The following TMEM272 variants were observed in gnomAD, a reference collection of about 807,000 sequenced individuals.
TMEM272 encodes the protein transmembrane protein 272.
A neutral mutation model predicts 3.7 loss-of-function variants in TMEM272; 8 were observed. The observed-to-expected ratio is 2.17, with a 90% confidence interval of 1.27 to 3.91. The LOEUF is 3.91. Among genes scored for constraint, TMEM272 ranks in the 30% most tolerant of loss-of-function variants. The pLI, the probability that TMEM272 is intolerant of heterozygous loss-of-function variation, is 0.00. For missense variants in TMEM272, 166 were observed against 91.5 expected (o/e 1.81, Z -3.32); for synonymous variants, 63 against 39.8 (o/e 1.58, Z -2.20).
the TMEM272 span, chr13:51,933,123 C>A: frequency 6.6e-6 from 1 of 152,196 alleles, no homozygotes; most frequent in South Asian, 2.1e-4. Flanking sequence ...TGAGTTGAAA[C>A]AATGAATAGA....
At chr13:51,845,607 T>C (rs1348308660), upstream of TMEM272, among the ~76,000 whole-genome samples, 4 of 152,224 alleles carry the variant, frequency 2.6e-5, no homozygotes, top group Admixed American at 6.5e-5. Context: ...AGATCTGAGA[T>C]AGAATGAAGT....
chr13:51,868,819 A>T, the TMEM272 span, among the ~76,000 whole-genome samples: 1 of 152,318 alleles, frequency 6.6e-6, no homozygotes, highest in East Asian at 1.9e-4. Context: ...TTTATTCCAA[A>T]ATCATAATGC....
the TMEM272 span, among the ~76,000 whole-genome samples, chr13:51,928,844 C>T: frequency 6.6e-6 from 1 of 152,100 alleles, no homozygotes; most frequent in East Asian, 1.9e-4. Flanking sequence ...GCTTTGGAGC[C>T]ATCAAAAATA....
the TMEM272 span, among the ~76,000 whole-genome samples, chr13:51,877,628 A>G: frequency 6.6e-6 from 1 of 152,250 alleles, no homozygotes; most frequent in Non-Finnish European, 1.5e-5. Flanking sequence ...TTATTTCCTG[A>G]TGTGTCTAAA....
At chr13:51,915,907 T>G in the TMEM272 span, among the ~76,000 whole-genome samples, 1 of 152,244 alleles carries the variant, frequency 6.6e-6, no homozygotes, top group Admixed American at 6.5e-5. Context: ...ACCCTGTCTC[T>G]ACTAAAAATA....
the TMEM272 span, among the ~76,000 whole-genome samples, chr13:51,911,924 C>T: frequency 7.3e-5 from 11 of 151,432 alleles, no homozygotes; most frequent in Admixed American, 6.6e-5. Flanking sequence ...CTGAACACAA[C>T]AAGCCCACTG....
At chr13:51,877,797 A>C in the TMEM272 span, among the ~76,000 whole-genome samples, 13 of 152,182 alleles carry the variant, frequency 8.5e-5, no homozygotes, top group Non-Finnish European at 1.9e-4. Flanking sequence ...ATTTTATTTC[A>C]GTTATACTGT....
chr13:51,861,708 A>G, the TMEM272 span, among the ~76,000 whole-genome samples: 1 of 152,172 alleles, frequency 6.6e-6, no homozygotes, highest in Non-Finnish European at 1.5e-5. Flanking sequence ...ATGGCCAAAA[A>G]CTTCTGAAAT....
rs1956234962 is a variant in TMEM272, at chr13:51,838,521, C to A, written c.10G>T (p.Gly4Cys). 1.4e-6 allele frequency: 1 copy of A among 702,914 alleles called. No individual in the cohort carries two copies. The highest frequency in any genetic ancestry group is 1.7e-5 in the African/African-American group (1 of 57,264). The allele number at this position is 702,914 out of a possible 1,614,324, so 43.5% of individuals were successfully genotyped here. A position where few individuals can be genotyped will look rare whatever the true frequency, so the allele number is the denominator to read the frequency against. The change falls in exon 2 of 5, where the codon GGT becomes TGT. Residue 4 changes from glycine to cysteine, a missense_variant. Physicochemically the swap from Gly to Cys is radical, Grantham distance 159. Transcript: ENST00000629372. MPG[G>C]LEKTCHQCIS... ...CACTGATGACACGTTTTCTCCAGAC[C>A]TCCTGGCATTGTTCTTGCTCGCTGA...
At chr13:51,834,190 C>T (rs1956196029) in intron 2 of TMEM272, among the ~76,000 whole-genome samples, 1 of 152,330 alleles carries the variant, frequency 6.6e-6, no homozygotes, top group South Asian at 2.1e-4. Context: ...AATCCTCTCG[C>T]TTGGAAGAGG....
chr13:51,865,981 G>T, the TMEM272 span: 33 of 1,613,976 alleles, frequency 2.0e-5, no homozygotes, highest in South Asian at 3.5e-4. Flanking sequence ...TCTGGATGGA[G>T]AACAATGGCC....
At chr13:51,920,137 G>A in the TMEM272 span, among the ~76,000 whole-genome samples, 2 of 151,926 alleles carry the variant, frequency 1.3e-5, no homozygotes, top group Non-Finnish European at 2.9e-5. Context: ...CTCAGCAAGC[G>A]TTTTACCTCT....
chr13:51,876,890 G>A, the TMEM272 span, among the ~76,000 whole-genome samples: 1 of 152,142 alleles, frequency 6.6e-6, no homozygotes, highest in Non-Finnish European at 1.5e-5. Context: ...AGAGCAGGAT[G>A]GTGAGAGGTG....
At chr13:51,857,845 ACT>A in the TMEM272 span, among the ~76,000 whole-genome samples, 1 of 152,086 alleles carries the variant, frequency 6.6e-6, no homozygotes, top group Non-Finnish European at 1.5e-5. Context: ...AAAAAACAAA[ACT>A]CAACTATATG....
At chr13:51,845,301 C>T (rs1428911578), upstream of TMEM272, 2 of 152,282 alleles carry the variant, frequency 1.3e-5, no homozygotes, top group African/African-American at 4.8e-5. Flanking sequence ...CAGAGCGACC[C>T]TGGGAGCTGT....
the TMEM272 span, among the ~76,000 whole-genome samples, chr13:51,903,886 T>C: frequency 2.2e-4 from 34 of 151,494 alleles, no homozygotes; most frequent in Middle Eastern, 3.4e-3. Context: ...GCAACCAAAG[T>C]GTCTTCTCAC....
the TMEM272 span, among the ~76,000 whole-genome samples, chr13:51,886,435 C>T: frequency 6.6e-6 from 1 of 152,132 alleles, no homozygotes; most frequent in Admixed American, 6.5e-5. Context: ...TTATATTATT[C>T]CCATTTTAAA....
At position 51,835,224 on chromosome 13, in the gene TMEM272, CTTTCT is replaced by C. The variant is rs1175022867; in HGVS notation, c.58+3244_58+3248del. 2.9e-3 allele frequency among the ~76,000 whole-genome samples: 75 copies of C among 25,834 alleles called. 1 individual carries two copies. The highest frequency in any genetic ancestry group is 5.2e-3 in the Admixed American group (11 of 2,116). 16.9% of individuals were successfully genotyped at this position (25,834 alleles called of 152,430 possible). On this transcript the variant is annotated intron_variant, in intron 2 of 4. Transcript: ENST00000629372. ...AAAATAAAAATAAAACTTTTATTTT[CTTTCT>C]TTTTTTTTTTTTGAGACGGAGTCTC...
At chr13:51,831,406 AG>A (rs1378467113) in intron 2 of TMEM272, among the ~76,000 whole-genome samples, 2 of 152,166 alleles carry the variant, frequency 1.3e-5, no homozygotes, top group African/African-American at 4.8e-5. Context: ...CCTGGGCAAC[AG>A]TGCAAGACCT....
Sources: gnomAD v4.1 joint callset for allele counts (sites outside exome capture counted in the v4.1 genomes callset) on GRCh38, gnomAD v4.1.1 for gene constraint, MANE v1.5 for transcripts, NCBI Gene and HGNC (gene_info 2026-07-23, HGNC 2026-07-21) for gene names.